PHKB: variants seen among roughly 807,000 people sequenced by gnomAD.
PHKB encodes the protein phosphorylase kinase regulatory subunit beta.
Under a neutral mutation model 152.1 loss-of-function variants are expected in PHKB, and 122 were observed. The observed-to-expected ratio is 0.80, with a 90% CI of 0.69 to 0.93. PHKB has a LOEUF of 0.93. PHKB is among the 40% of genes least tolerant of loss of function. PHKB has a pLI of 0.00. For synonymous variants in PHKB, 436 were observed against 464.9 expected, an observed-to-expected ratio of 0.94 and a Z score of 0.80; for missense variants, 1,304 against 1,328.4, an observed-to-expected ratio of 0.98 and a Z score of 0.29.
intron 7 of PHKB, among the ~76,000 whole-genome samples, chr16:47,568,988 C>T (rs1402430296): frequency 6.6e-6 from 1 of 152,088 alleles, no homozygotes; most frequent in Admixed American, 6.6e-5. Context: ...AGAATGTATA[C>T]CCTGCAGTTT....
chr16:47,529,054 G>A (rs1300593103), intron 6 of PHKB: 1 of 152,102 alleles, frequency 6.6e-6, no homozygotes, highest in Non-Finnish European at 1.5e-5. Context: ...GGCTTTAACA[G>A]TCATCAAGGA....
At chr16:47,499,999 T>C in intron 3 of PHKB, 105 bp downstream of exon 3, 1 of 1,294,018 alleles carries the variant, frequency 7.7e-7, no homozygotes, top group Non-Finnish European at 1.1e-6. Context: ...GCTGACTCAC[T>C]GTGCGACCTA....
At chr16:47,579,990 C>T (rs551147718) in intron 7 of PHKB, among the ~76,000 whole-genome samples, 2 of 151,976 alleles carry the variant, frequency 1.3e-5, no homozygotes, top group African/African-American at 2.4e-5. Context: ...CTCTAAAGTT[C>T]GTCTTTTTTT....
At chr16:47,618,729 C>G (rs1972565827) in intron 14 of PHKB, among the ~76,000 whole-genome samples, 1 of 152,150 alleles carries the variant, frequency 6.6e-6, no homozygotes, top group Non-Finnish European at 1.5e-5. Context: ...CCCCACTTTT[C>G]TATGTCACAT....
intron 8 of PHKB, 65 bp from the exon 9 acceptor site, chr16:47,587,603 A>C (rs1444937873): frequency 8.0e-7 from 1 of 1,250,684 alleles, no homozygotes; most frequent in East Asian, 2.3e-5. Flanking sequence ...TTCACAGTCA[A>C]AATGCCAAAG....
intron 20 of PHKB, among the ~76,000 whole-genome samples, chr16:47,656,351 T>G (rs1973338530): frequency 6.6e-6 from 1 of 152,212 alleles, no homozygotes; most frequent in Non-Finnish European, 1.5e-5. Context: ...TAAATGGAAG[T>G]TCACCATTTG....
intron 7 of PHKB, among the ~76,000 whole-genome samples, chr16:47,567,780 G>A (rs1021852982): frequency 6.6e-5 from 10 of 152,066 alleles, no homozygotes; most frequent in Admixed American, 1.3e-4. Flanking sequence ...TGCTTTTTCC[G>A]CATCTTTTAA....
chr16:47,530,349 T>A, intron 6 of PHKB, among the ~76,000 whole-genome samples: 1 of 152,072 alleles, frequency 6.6e-6, no homozygotes, highest in Middle Eastern at 3.2e-3. Flanking sequence ...CCAGTAGAGA[T>A]GGGTTTTGCC....
At chr16:47,488,247 A>G (rs1970083291) in intron 1 of PHKB, among the ~76,000 whole-genome samples, 1 of 152,146 alleles carries the variant, frequency 6.6e-6, no homozygotes, top group Admixed American at 6.5e-5. Context: ...TCTTTGGAGA[A>G]GTGTCTGTTC....
chr16:47,534,666 A>C (rs1380352241), intron 6 of PHKB, among the ~76,000 whole-genome samples: 1 of 152,238 alleles, frequency 6.6e-6, no homozygotes, highest in Admixed American at 6.5e-5. Context: ...CAAGATATTT[A>C]TTAACTACCA....
At chr16:47,596,596 C>A (rs1448022418) in intron 13 of PHKB, 65 bp downstream of exon 13, 1 of 1,462,292 alleles carries the variant, frequency 6.8e-7, no homozygotes, top group Non-Finnish European at 9.6e-7. Context: ...AATAAATATG[C>A]CTTTGCTGGT....
At chr16:47,610,095 C>G (rs1410152312) in intron 13 of PHKB, among the ~76,000 whole-genome samples, 1 of 151,292 alleles carries the variant, frequency 6.6e-6, no homozygotes, top group Non-Finnish European at 1.5e-5. Context: ...CAGGTTCAAG[C>G]AATTCTCCTG....
intron 20 of PHKB, among the ~76,000 whole-genome samples, chr16:47,657,342 G>T (rs1973357655): frequency 6.6e-6 from 1 of 152,158 alleles, no homozygotes; most frequent in Admixed American, 6.5e-5. Flanking sequence ...GATACACAAG[G>T]TTTTTGACCA....
chr16:47,505,265 A>G (rs1206462828), intron 4 of PHKB, among the ~76,000 whole-genome samples: 1 of 152,186 alleles, frequency 6.6e-6, no homozygotes, highest in Non-Finnish European at 1.5e-5. Flanking sequence ...CGCTTCTGGT[A>G]AGCAGACCTG....
intron 29 of PHKB, among the ~76,000 whole-genome samples, chr16:47,697,102 A>G (rs1974161571): frequency 6.6e-6 from 1 of 152,238 alleles, no homozygotes; most frequent in South Asian, 2.1e-4. Flanking sequence ...CCAAATACAT[A>G]GAGAAGCCAC....
chr16:47,661,075 A>T (rs1355756719), intron 22 of PHKB, among the ~76,000 whole-genome samples: 5 of 152,236 alleles, frequency 3.3e-5, no homozygotes, highest in Non-Finnish European at 5.9e-5. Flanking sequence ...GAGCCATTAA[A>T]GAAGTCAATG....
chr16:47,694,581 A>T (rs189659720), intron 28 of PHKB, among the ~76,000 whole-genome samples: 8 of 152,106 alleles, frequency 5.3e-5, no homozygotes, highest in South Asian at 4.2e-4. Flanking sequence ...ATTACTTATT[A>T]AAAAAAATGC....
chr16:47,529,323 C>A, intron 6 of PHKB: 1 of 150,902 alleles, frequency 6.6e-6, no homozygotes, highest in Non-Finnish European at 1.5e-5. Context: ...GAACTCATCG[C>A]TACAAAAATC....
chr16:47,578,292 C>T (rs1971782982), intron 7 of PHKB, among the ~76,000 whole-genome samples: 1 of 152,152 alleles, frequency 6.6e-6, no homozygotes, highest in Admixed American at 6.6e-5. Context: ...ATTCTAACAA[C>T]TCTTTCTTCT....
Sources: allele counts gnomAD v4.1 joint callset (sites outside exome capture counted in the v4.1 genomes callset), GRCh38; gene constraint gnomAD v4.1.1; transcripts MANE v1.5; gene names NCBI Gene and HGNC (gene_info 2026-07-23, HGNC 2026-07-21).